Variants in GRM1 observed in about 807,000 individuals in gnomAD.
GRM1 encodes glutamate metabotropic receptor 1, also known as metabotropic glutamate receptor 1.
Under a neutral mutation model 90.9 loss-of-function variants are expected in GRM1, and 33 were observed. The ratio of observed to expected loss-of-function variants is 0.36; its 90% CI spans 0.28 to 0.49. GRM1 has a LOEUF of 0.49. Among genes scored for constraint, GRM1 ranks in the 20% least tolerant of loss-of-function variants. The pLI is 0.99. For synonymous variants in GRM1, 700 were observed against 613.2 expected, an observed-to-expected ratio of 1.14 and a Z score of -2.09; for missense variants, 1,190 against 1,534.3, an observed-to-expected ratio of 0.78 and a Z score of 3.75.
intron 7 of GRM1, among the ~76,000 whole-genome samples, chr6:146,427,719 G>T (rs1182843288): frequency 6.6e-6 from 1 of 152,196 alleles, no homozygotes; most frequent in African/African-American, 2.4e-5. Flanking sequence ...GGTGTTCCAG[G>T]TAGTAACTGA....
chr6:146,289,318 T>G (rs1430610129), intron 2 of GRM1, among the ~76,000 whole-genome samples: 1 of 152,154 alleles, frequency 6.6e-6, no homozygotes, highest in Non-Finnish European at 1.5e-5. Flanking sequence ...TTGTTCGTTT[T>G]CATTTTTAAC....
intron 1 of GRM1, among the ~76,000 whole-genome samples, chr6:146,135,804 T>C (rs979011497): frequency 1.3e-5 from 2 of 152,172 alleles, no homozygotes; most frequent in African/African-American, 4.8e-5. Flanking sequence ...CCAATTCTAC[T>C]CTTTATTTTA....
intron 2 of GRM1, among the ~76,000 whole-genome samples, chr6:146,280,835 T>G (rs1384509952): frequency 1.3e-5 from 2 of 152,126 alleles, no homozygotes; most frequent in Middle Eastern, 3.4e-3. Context: ...ACTATGCTGC[T>G]GAGGCGGGTC....
intron 2 of GRM1, among the ~76,000 whole-genome samples, chr6:146,175,458 T>G (rs985920770): frequency 3.3e-5 from 5 of 152,302 alleles, no homozygotes; most frequent in African/African-American, 1.2e-4. Context: ...AGGTAAAGCC[T>G]CTCACAAGTT....
chr6:146,336,794 G>C (rs1784785001), intron 3 of GRM1, among the ~76,000 whole-genome samples: 1 of 152,152 alleles, frequency 6.6e-6, no homozygotes, highest in Non-Finnish European at 1.5e-5. Context: ...ACCCGACTCT[G>C]TATATTTTTG....
chr6:146,283,672 C>G (rs937401223), intron 2 of GRM1, among the ~76,000 whole-genome samples: 10 of 152,168 alleles, frequency 6.6e-5, no homozygotes, highest in Admixed American at 3.9e-4. Flanking sequence ...AGGAGCTCAT[C>G]ATTGACGTCA....
At chr6:146,338,042 C>T (rs142959768) in intron 3 of GRM1, among the ~76,000 whole-genome samples, 3 of 152,146 alleles carry the variant, frequency 2.0e-5, no homozygotes, top group Non-Finnish European at 4.4e-5. Context: ...TCTAAAGAAA[C>T]GTCTTAATCG....
At chr6:146,307,492 G>A (rs745958956) in intron 3 of GRM1, among the ~76,000 whole-genome samples, 14 of 151,782 alleles carry the variant, frequency 9.2e-5, no homozygotes, top group African/African-American at 1.5e-4. Context: ...CTTGGTCTTC[G>A]GTTTTAATCT....
At chr6:146,402,383 A>G (rs1777188913) in intron 7 of GRM1, among the ~76,000 whole-genome samples, 1 of 152,094 alleles carries the variant, frequency 6.6e-6, no homozygotes, top group Admixed American at 6.6e-5. Context: ...TAATTTTAGT[A>G]TATAAAAAAG....
At chr6:146,066,115 A>G (rs1775838768) in intron 1 of GRM1, among the ~76,000 whole-genome samples, 1 of 152,052 alleles carries the variant, frequency 6.6e-6, no homozygotes, top group Non-Finnish European at 1.5e-5. Flanking sequence ...ATTTCTTACA[A>G]AGGTACATGT....
chr6:146,181,165 G>T (rs565986352), intron 2 of GRM1, among the ~76,000 whole-genome samples: 28 of 151,818 alleles, frequency 1.8e-4, no homozygotes, highest in Non-Finnish European at 3.7e-4. Context: ...TTCAGCAAGA[G>T]ACTGCTGTGA....
intron 1 of GRM1, among the ~76,000 whole-genome samples, chr6:146,155,461 A>G (rs752636489): frequency 2.0e-5 from 3 of 152,200 alleles, no homozygotes; most frequent in Non-Finnish European, 4.4e-5. Flanking sequence ...TGTTTGTACA[A>G]TGACAAAATC....
At chr6:146,270,893 CT>C (rs1562571168) in intron 2 of GRM1, among the ~76,000 whole-genome samples, 134 of 111,066 alleles carry the variant, frequency 1.2e-3, no homozygotes, top group African/African-American at 5.1e-3. Context: ...TTCTTTCTTT[CT>C]TTCTTTCTTT....
chr6:146,217,138 C>A (rs1779900980), intron 2 of GRM1, among the ~76,000 whole-genome samples: 1 of 152,046 alleles, frequency 6.6e-6, no homozygotes, highest in Admixed American at 6.5e-5. Flanking sequence ...TATATTGATT[C>A]TTATATTTAA....
At chr6:146,221,724 G>T (rs946709135) in intron 2 of GRM1, among the ~76,000 whole-genome samples, 1 of 152,006 alleles carries the variant, frequency 6.6e-6, no homozygotes, top group Non-Finnish European at 1.5e-5. Flanking sequence ...AATGGGATTG[G>T]TGGGTCAAAT....
chr6:146,319,272 G>A (rs1057250548), intron 3 of GRM1, among the ~76,000 whole-genome samples: 13 of 152,102 alleles, frequency 8.5e-5, no homozygotes, highest in African/African-American at 3.1e-4. Flanking sequence ...AGATCAGATG[G>A]TTGTACATGT....
intron 2 of GRM1, among the ~76,000 whole-genome samples, chr6:146,169,664 G>A (rs544894945): frequency 1.2e-4 from 18 of 152,108 alleles, no homozygotes; most frequent in South Asian, 4.2e-4. Context: ...AATTTCCCCC[G>A]CCCTGTTCTG....
At chr6:146,308,552 A>C (rs362960) in intron 3 of GRM1, among the ~76,000 whole-genome samples, 4,563 of 152,268 alleles carry the variant, frequency 0.03, 100 homozygotes, top group Middle Eastern at 0.051. Context: ...CAAGACAACA[A>C]TCTTTAATCA....
chr6:146,140,522 G>A (rs1448559614), intron 1 of GRM1, among the ~76,000 whole-genome samples: 1 of 152,044 alleles, frequency 6.6e-6, no homozygotes, highest in Non-Finnish European at 1.5e-5. Flanking sequence ...ACCCACCTCA[G>A]CCTCCCAAAA....
Sources: allele counts gnomAD v4.1 joint callset (sites outside exome capture counted in the v4.1 genomes callset), GRCh38; gene constraint gnomAD v4.1.1; transcripts MANE v1.5; gene names NCBI Gene and HGNC (gene_info 2026-07-23, HGNC 2026-07-21).